VPS33A: variants seen among roughly 807,000 people sequenced by gnomAD.
The protein encoded by VPS33A is VPS33A core subunit of CORVET and HOPS complexes.
A neutral mutation model predicts 71.8 loss-of-function variants in VPS33A; 32 were observed. The observed-to-expected ratio is 0.45, with a 90% CI of 0.34 to 0.60. VPS33A has a LOEUF of 0.60. Among genes scored for constraint, VPS33A ranks in the 20% least tolerant of loss-of-function variants. The pLI is 0.02. For synonymous variants in VPS33A, 311 were observed against 292.7 expected, an observed-to-expected ratio of 1.06 and a Z score of -0.64; for missense variants, 625 against 748.5, an observed-to-expected ratio of 0.84 and a Z score of 1.92.
rs1035941675 is a variant in VPS33A, at chr12:122,239,791, G to C, written c.1164+87C>G. The C allele has an allele frequency of 1.7e-5, 11 of 663,084 alleles. No individual in the cohort carries two copies. In the African/African-American group the frequency reaches 2.0e-4, roughly 12 times the overall value. The allele number at this position is 663,084 out of a possible 1,614,324, so 41.1% of individuals were successfully genotyped here. On this transcript the variant is annotated intron_variant, in intron 9 of 12. Transcript: ENST00000267199. ...AAAAAAAAAAAAAAGGCAAGGCATG[G>C]GAATCAAAGCAATTGGTTTTCTGGC...
intron 9 of VPS33A, 81 bp from the exon 10 acceptor site, chr12:122,238,805 A>G: frequency 5.4e-6 from 6 of 1,101,514 alleles, no homozygotes; most frequent in Non-Finnish European, 7.6e-6. Flanking sequence ...ACACACACAC[A>G]CAATACATGG....
intron 6 of VPS33A, chr12:122,249,546 G>A (rs1954817804): frequency 1.1e-5 from 2 of 179,842 alleles, no homozygotes; most frequent in Non-Finnish European, 1.2e-5. Flanking sequence ...ATTTCATAAT[G>A]TACTCAACCA....
At position 122,235,893 on chromosome 12, in the gene VPS33A, G is replaced by A. The variant is rs144105987; in HGVS notation, c.1333C>T (p.His445Tyr). ...TYGYEHILTL[H>Y]NLEKAGLLKP... ...AGCAGGCCGGCCTTCTCCAGGTTGT[G>A]TAAGGTCAATATGTGCTCATAGCCG... is the stretch of plus-strand genomic sequence containing the variant. The change falls in exon 11 of 13, where the codon CAC (histidine) becomes TAC (tyrosine). Residue 445 changes from histidine (H) to tyrosine (Y), a missense_variant. Coordinates refer to ENST00000267199, the MANE Select transcript of VPS33A (RefSeq NM_022916.6). 6.2e-7 allele frequency: 1 copy of A among 1,613,694 alleles called. No individual in the cohort carries two copies. Among genetic ancestry groups the A allele is most frequent in the South Asian group, 1.1e-5 (1 of 90,978 alleles).
At chr12:122,261,193 T>G (rs1350592832) in intron 4 of VPS33A, 68 bp downstream of exon 4, 1 of 1,353,690 alleles carries the variant, frequency 7.4e-7, no homozygotes, top group East Asian at 2.3e-5. Flanking sequence ...TAATCAGTAC[T>G]GTGGTATGCT....
At chr12:122,262,052 A>G (rs575005772) in intron 3 of VPS33A, among the ~76,000 whole-genome samples, 1 of 152,148 alleles carries the variant, frequency 6.6e-6, no homozygotes, top group Admixed American at 6.6e-5. Context: ...TCAGCTGGGC[A>G]TGGTGGTGTG....
intron 7 of VPS33A, among the ~76,000 whole-genome samples, chr12:122,242,939 TCATTA>T (rs1458188445): frequency 1.3e-5 from 2 of 152,180 alleles, no homozygotes; most frequent in African/African-American, 4.8e-5. Flanking sequence ...TACAAATAAA[TCATTA>T]CATTACATAA....
chr12:122,229,579 C>T lies in VPS33A; in HGVS notation c.*2667G>A, dbSNP rs1404803455. On this transcript the variant is annotated 3_prime_UTR_variant, in exon 13 of 13. Coordinates refer to ENST00000267199, the MANE Select transcript of VPS33A (RefSeq NM_022916.6). ...CACAAAACAGTGTCTGTGTAGACTTCTTTATTAAGGGGGCTGCTGGTGTAG... is the reference window on the plus strand; with the variant it reads ...CACAAAACAGTGTCTGTGTAGACTTTTTTATTAAGGGGGCTGCTGGTGTAG... 1 of 152,188 alleles carries T rather than the reference C, an allele frequency of 6.6e-6. No homozygotes were observed. The highest frequency in any genetic ancestry group is 1.5e-5 in the Non-Finnish European group (1 of 68,034). The allele number at this position is 152,188 out of a possible 1,614,324, so 9.4% of individuals were successfully genotyped here. A position where few individuals can be genotyped will look rare whatever the true frequency, so the allele number is the denominator to read the frequency against.
intron 1 of VPS33A, 101 bp from the exon 2 acceptor site, chr12:122,264,300 C>A: frequency 1.2e-6 from 1 of 851,060 alleles, no homozygotes; most frequent in South Asian, 2.8e-5. Context: ...GCTTCAAATT[C>A]TGAGTTAAAA....
Position 122,249,956 on chromosome 12 carries a change from A to G in VPS33A, c.690T>C (p.Leu230=). 1 of 1,614,180 alleles carries G rather than the reference A, an allele frequency of 6.2e-7. No individual in the cohort carries two copies. Among genetic ancestry groups the G allele is most frequent in the Non-Finnish European group, 8.5e-7 (1 of 1,180,028 alleles). ...GTGTTAATAAATCCACATTCCGATC[A>G]AGCAACAAGAGATTATCAAAAACAG... ...IFPVFDNLLL[L]DRNVDLLTPL... The change falls in exon 6 of 13, where the codon CTT becomes CTC. Residue 230 remains leucine (L), a synonymous_variant. Transcript: ENST00000267199.
chr12:122,249,903 C>CCT lies in VPS33A; in HGVS notation c.741_742dup (p.Gly248GlufsTer15). ...AATGCCATAAATTTCATCAATGAGT[C>CCT]CTTCATATGTCAGCTGAGTGGCAAG... On this transcript the variant is annotated frameshift_variant, in exon 6 of 13. Transcript: ENST00000267199. LOFTEE classifies it high-confidence loss of function. The CCT allele has an allele frequency of 6.2e-7, 1 of 1,613,680 alleles. No homozygotes were observed. Among genetic ancestry groups the CCT allele is most frequent in the Non-Finnish European group, 8.5e-7 (1 of 1,179,900 alleles).
At chr12:122,235,655 T>C (rs891371739) in intron 11 of VPS33A, 131 bp downstream of exon 11, 15 of 1,248,676 alleles carry the variant, frequency 1.2e-5, no homozygotes, top group South Asian at 6.2e-5. Context: ...CATGCATACA[T>C]TACTTTTTCA....
Position 122,235,786 on chromosome 12 carries a change from T to G in VPS33A, c.1440A>C (p.Gln480His), listed in dbSNP as rs777779099. 1 of 1,610,298 alleles carries G rather than the reference T, an allele frequency of 6.2e-7. No homozygotes were observed. Among genetic ancestry groups the G allele is most frequent in the South Asian group, 1.1e-5 (1 of 90,518 alleles). ...LRLWMDDVNE[Q>H]NPTDISYVYS... ...GACGAGGTGGAGAAGTGTGGCTTAC[T>G]TGCTCATTAACATCATCCATCCAGA... The change falls in exon 11 of 13, where the codon CAA becomes CAC. Residue 480 changes from glutamine (Q) to histidine (H), a missense_variant and splice_region_variant. Gln to His is a conservative substitution (Grantham distance 24). Transcript: ENST00000267199.
At chr12:122,263,807 A>G in intron 2 of VPS33A, 108 bp from the exon 3 acceptor site, 1 of 1,335,860 alleles carries the variant, frequency 7.5e-7, no homozygotes. Context: ...TAATATTTTA[A>G]TATCAAAATT....
At chr12:122,250,186 A>C in intron 5 of VPS33A, 141 bp from the exon 6 acceptor site, 1 of 909,010 alleles carries the variant, frequency 1.1e-6, no homozygotes, top group Non-Finnish European at 1.6e-6. Flanking sequence ...AAGCAGCTCT[A>C]GAAAAGCACC....
Position 122,258,045 on chromosome 12 carries a change from A to G in VPS33A, c.483+3216T>C, listed in dbSNP as rs79344116. Reference sequence around the variant, plus strand: ...AATGAAATTTGGACACCCACCTTGCATTACATACAGAATTAACTTAAAATG... The same window carrying G: ...AATGAAATTTGGACACCCACCTTGCGTTACATACAGAATTAACTTAAAATG... On this transcript the variant is annotated intron_variant, in intron 4 of 12. Transcript: ENST00000267199. 2.2e-3 allele frequency among the ~76,000 whole-genome samples: 332 copies of G among 152,284 alleles called. 4 individuals are homozygous for G. Among genetic ancestry groups the G allele is most frequent in the African/African-American group, 7.8e-3 (323 of 41,518 alleles).
At position 122,263,606 on chromosome 12, in the gene VPS33A, C is replaced by T. The variant is rs770795337; in HGVS notation, c.262G>A (p.Glu88Lys). The part of the protein sequence containing the change: ...NIIFFVRPRL[E>K]LMDIIAENVL... ...TTTTCAGCGATTATATCCATCAACT[C>T]TAGCCTGGGTCTGACAAAAAAAATT... Residue 88 changes from glutamate to lysine, a missense_variant, in exon 3 of 13, where the codon GAG becomes AAG. Coordinates refer to ENST00000267199, the MANE Select transcript of VPS33A (RefSeq NM_022916.6). The T allele has an allele frequency of 6.2e-7, 1 of 1,613,318 alleles. No individual in the cohort carries two copies. Among genetic ancestry groups the T allele is most frequent in the South Asian group, 1.1e-5 (1 of 91,000 alleles).
rs1176416982 is a variant in VPS33A at position 122,251,081 on chromosome 12, C to G, written c.502G>C (p.Asp168His). The change falls in exon 5 of 13, where the codon GAC becomes CAC. Residue 168 changes from aspartate to histidine, a missense_variant. Asp to His is a moderately conservative substitution (Grantham distance 81). Coordinates refer to ENST00000267199, the MANE Select transcript of VPS33A (RefSeq NM_022916.6). ...GCTGCGTGGTACAGGCTCGTCTGGT[C>G]ACCCTCCAGGTAGCACTCCTGTGAG... The part of the protein sequence containing the change: ...GAFKECYLEG[D>H]QTSLYHAAKG... 1.9e-6 allele frequency: 3 copies of G among 1,613,730 alleles called. No homozygotes were observed. Among genetic ancestry groups the G allele is most frequent in the Non-Finnish European group, 2.5e-6 (3 of 1,179,790 alleles).
chr12:122,237,334 G>A (rs1954641674), intron 10 of VPS33A, among the ~76,000 whole-genome samples: 1 of 152,112 alleles, frequency 6.6e-6, no homozygotes, highest in Admixed American at 6.6e-5. Context: ...TTTACCACTG[G>A]CTGTGCCACT....
At chr12:122,254,228 T>A (rs188442087) in intron 4 of VPS33A, among the ~76,000 whole-genome samples, 1 of 152,022 alleles carries the variant, frequency 6.6e-6, no homozygotes, top group Non-Finnish European at 1.5e-5. Context: ...CACAGAGAGA[T>A]CTAGATGTAC....
Sources: gnomAD v4.1 joint callset for allele counts (sites outside exome capture counted in the v4.1 genomes callset) on GRCh38, gnomAD v4.1.1 for gene constraint, MANE v1.5 for transcripts, NCBI Gene and HGNC (gene_info 2026-07-23, HGNC 2026-07-21) for gene names.